The following ICE1 variants were observed in gnomAD, a reference collection of about 807,000 sequenced individuals.
ICE1 encodes little elongation complex subunit 1.
ICE1 carries 64 observed loss-of-function variants against 192.7 expected under a neutral mutation model. That is an observed-to-expected ratio of 0.33 (90% CI 0.27 to 0.41). The LOEUF is 0.41. Ranked by LOEUF, ICE1 falls within the 10% of genes least tolerant of loss-of-function variation. ICE1 has a pLI of 1.00. For missense variants in ICE1, 2,708 were observed against 2,696.0 expected, an observed-to-expected ratio of 1.00 and a Z score of -0.10; for synonymous variants, 1,010 against 984.5, an observed-to-expected ratio of 1.03 and a Z score of -0.49.
rs371758245 is a variant in ICE1 at position 5,460,547 on chromosome 5, G to A, written c.1213G>A (p.Gly405Ser). The A allele has an allele frequency of 2.5e-6, 4 of 1,611,788 alleles. No homozygotes were observed. Among genetic ancestry groups the A allele is most frequent in the Non-Finnish European group, 3.4e-6 (4 of 1,178,732 alleles). Residue 405 changes from glycine to serine, a missense_variant, in exon 13 of 19, where the codon GGC (glycine) becomes AGC (serine). Gly to Ser is a moderately conservative substitution (Grantham distance 56, BLOSUM62 0). Transcript: ENST00000296564. ...TACAACTGAATCACAGAATTATTTTGGCTCATTGAGAAAAAATAAAGGAAG... is the reference window on the plus strand; with the variant it reads ...TACAACTGAATCACAGAATTATTTTAGCTCATTGAGAAAAAATAAAGGAAG... ...DDTTESQNYF[G>S]SLRKNKGSGT...
At chr5:5,469,010 T>A in intron 15 of ICE1, 22 bp downstream of exon 15, 1 of 1,444,984 alleles carries the variant, frequency 6.9e-7, no homozygotes. Flanking sequence ...TTCTGTTTCT[T>A]ACAGTATCTT....
chr5:5,448,966 A>G (rs1458740602), intron 10 of ICE1, among the ~76,000 whole-genome samples: 1 of 152,234 alleles, frequency 6.6e-6, no homozygotes, highest in Non-Finnish European at 1.5e-5. Flanking sequence ...AGACGTGACA[A>G]CGTTTGCTTT....
chr5:5,428,610 C>G (rs921347206), intron 1 of ICE1, among the ~76,000 whole-genome samples: 1 of 152,174 alleles, frequency 6.6e-6, no homozygotes, highest in Non-Finnish European at 1.5e-5. Flanking sequence ...GTCTCCTGTA[C>G]ATGTTCCAGG....
intron 2 of ICE1, 77 bp from the exon 3 acceptor site, chr5:5,437,003 A>G: frequency 2.1e-6 from 2 of 930,558 alleles, no homozygotes; most frequent in Non-Finnish European, 3.4e-6. Context: ...GGTGCCTTGC[A>G]TGGATTGAAA....
intron 1 of ICE1, among the ~76,000 whole-genome samples, chr5:5,431,156 A>C (rs773720964): frequency 1.1e-4 from 17 of 152,186 alleles, no homozygotes; most frequent in Non-Finnish European, 1.3e-4. Flanking sequence ...CTGCCTAAGT[A>C]CTTGGCAACT....
chr5:5,436,267 C>CA (rs1283766174), intron 1 of ICE1, 151 bp from the exon 2 acceptor site: 4 of 458,710 alleles, frequency 8.7e-6, no homozygotes, highest in African/African-American at 8.3e-5. Flanking sequence ...ACCATAGGCT[C>CA]AGATTGTGCT....
chr5:5,452,447 CAG>C (rs1738452704), intron 10 of ICE1, among the ~76,000 whole-genome samples: 3 of 151,916 alleles, frequency 2.0e-5, no homozygotes, highest in Non-Finnish European at 4.4e-5. Context: ...CCTGAACCAG[CAG>C]ATGTCTAAGA....
chr5:5,487,059 G>T (rs1390338293), intron 18 of ICE1, among the ~76,000 whole-genome samples: 1 of 152,220 alleles, frequency 6.6e-6, no homozygotes, highest in Admixed American at 6.5e-5. Context: ...TAAGGAAGAA[G>T]AAAGTCTCTT....
Position 5,464,407 on chromosome 5 carries a change from C to T in ICE1, c.5073C>T (p.Ala1691=). The T allele has an allele frequency of 6.2e-7, 1 of 1,613,940 alleles. No individual in the cohort carries two copies. Among genetic ancestry groups the T allele is most frequent in the South Asian group, 1.1e-5 (1 of 91,076 alleles). The change falls in exon 13 of 19, where the codon GCC becomes GCT. Residue 1691 remains alanine (A), a synonymous_variant. Coordinates refer to ENST00000296564, the MANE Select transcript of ICE1 (RefSeq NM_015325.3). This position sits in a 1 kb window ranked among gnomAD's most constrained non-coding sequence, Gnocchi z 4.0. The part of the protein sequence containing the change: ...MSPWPEDPRR[A]SPPDPSPSPS... ...CATGGCCAGAGGACCCCAGACGTGCCTCTCCTCCAGATCCTTCTCCATCTC... is the reference window on the plus strand; with the variant it reads ...CATGGCCAGAGGACCCCAGACGTGCTTCTCCTCCAGATCCTTCTCCATCTC...
rs370964165 is a variant in ICE1 at position 5,483,223 on chromosome 5, C to T, written c.6521-3498C>T. Reference sequence around the variant, plus strand: ...GTTGGTCAGGCTGGTCTCAAACTCCCGGCCTCAGGTGATCCTCCTGCCTTG... The same window carrying T: ...GTTGGTCAGGCTGGTCTCAAACTCCTGGCCTCAGGTGATCCTCCTGCCTTG... On this transcript the variant is annotated intron_variant, in intron 17 of 18. Coordinates refer to ENST00000296564, the MANE Select transcript of ICE1 (RefSeq NM_015325.3). Among the ~76,000 whole-genome samples, 55 of 152,158 alleles carry T rather than the reference C, an allele frequency of 3.6e-4. No individual in the cohort carries two copies. In the East Asian group the frequency reaches 9.5e-3, roughly 26 times the overall value.
Position 5,462,609 on chromosome 5 carries a change from G to C in ICE1, c.3275G>C (p.Gly1092Ala). ...GATACCTCCCAAAGTAGCCTGCCTG[G>C]TACCTTACATTGTTACACAGGCATT... ...TQDTSQSSLP[G>A]TLHCYTGIRE... Residue 1092 changes from glycine to alanine, a missense_variant, in exon 13 of 19, where the codon GGT becomes GCT. Transcript: ENST00000296564. The C allele has an allele frequency of 1.2e-6, 2 of 1,613,936 alleles. No individual in the cohort carries two copies. The highest frequency in any genetic ancestry group is 8.5e-7 in the Non-Finnish European group (1 of 1,179,880).
chr5:5,457,099 C>T (rs1176023361), intron 11 of ICE1, among the ~76,000 whole-genome samples: 4 of 152,052 alleles, frequency 2.6e-5, no homozygotes, highest in African/African-American at 2.4e-5. Flanking sequence ...CCCACCGGTC[C>T]ATCTCACCTG....
chr5:5,436,125 A>C (rs1737867107), intron 1 of ICE1, among the ~76,000 whole-genome samples: 1 of 152,162 alleles, frequency 6.6e-6, no homozygotes, highest in Non-Finnish European at 1.5e-5. Flanking sequence ...ATTGATGATT[A>C]ATAGCAAACT....
intron 10 of ICE1, among the ~76,000 whole-genome samples, chr5:5,449,048 CT>C (rs77269306): frequency 0.045 from 6,787 of 152,282 alleles, 564 homozygotes; most frequent in East Asian, 0.32. Flanking sequence ...TACAATTCAG[CT>C]ATTCCCAAGC....
intron 10 of ICE1, among the ~76,000 whole-genome samples, chr5:5,453,422 C>G (rs544765986): frequency 6.6e-6 from 1 of 152,264 alleles, no homozygotes; most frequent in South Asian, 2.1e-4. Context: ...TGCAGTCTGC[C>G]AGCTTAAGTA....
At position 5,461,296 on chromosome 5, in the gene ICE1, T is replaced by A. The variant is rs901597979; in HGVS notation, c.1962T>A (p.Gly654=). Residue 654 remains glycine (G), a synonymous_variant, in exon 13 of 19, where the codon GGT becomes GGA. Transcript: ENST00000296564. ...NPQSSSGLDC[G]NDTDITTKVF... ...AGTCTTCTTCTGGGTTAGACTGTGG[T>A]AATGATACAGATATTACTACTAAAG... The A allele has an allele frequency of 6.2e-7, 1 of 1,613,712 alleles. No individual in the cohort carries two copies. The highest frequency in any genetic ancestry group is 8.5e-7 in the Non-Finnish European group (1 of 1,179,786).
At position 5,447,702 on chromosome 5, in the gene ICE1, T is replaced by A; in HGVS notation, c.508-19T>A. The A allele has an allele frequency of 6.4e-7, 1 of 1,559,724 alleles. No homozygotes were observed. Among genetic ancestry groups the A allele is most frequent in the South Asian group, 1.2e-5 (1 of 85,310 alleles). ...ACTTCTTATTCAGCATAAACACTAT[T>A]AATATTTTGTTTTCACAGGAAAGGC... is the stretch of plus-strand genomic sequence containing the variant. On this transcript the variant is annotated intron_variant, in intron 8 of 18. Transcript: ENST00000296564.
intron 5 of ICE1, among the ~76,000 whole-genome samples, chr5:5,441,554 T>G (rs957403480): frequency 6.6e-6 from 1 of 152,192 alleles, no homozygotes; most frequent in Non-Finnish European, 1.5e-5. Flanking sequence ...TAAAATAACA[T>G]GCAAAAATTC....
Position 5,480,127 on chromosome 5 carries a change from C to T in ICE1, c.6520+4048C>T, listed in dbSNP as rs545447012. ...CTTAGTTTTGACCTGACTTCTCTAT[C>T]TGCAGCATGTATTCTTTGCCCCTGG... On this transcript the variant is annotated intron_variant, in intron 17 of 18. Transcript: ENST00000296564. 9.8e-4 allele frequency among the ~76,000 whole-genome samples: 149 copies of T among 152,284 alleles called. 1 individual carries two copies. Among genetic ancestry groups the T allele is most frequent in the African/African-American group, 3.5e-3 (147 of 41,556 alleles).
Sources: gnomAD v4.1 joint callset for allele counts (sites outside exome capture counted in the v4.1 genomes callset) on GRCh38, gnomAD v4.1.1 for gene constraint, Gnocchi (gnomAD v3.1) non-coding constraint, MANE v1.5 for transcripts, NCBI Gene and HGNC (gene_info 2026-07-23, HGNC 2026-07-21) for gene names.